The following COL25A1 variants were observed in gnomAD, a reference collection of about 807,000 sequenced individuals.
The protein encoded by COL25A1 is collagen alpha-1(XXV) chain.
COL25A1 carries 103 observed loss-of-function variants against 128.4 expected under a neutral mutation model. The ratio of observed to expected loss-of-function variants is 0.80; its 90% CI spans 0.68 to 0.94. The LOEUF (loss-of-function observed/expected upper bound fraction) is 0.94, where lower values mean the gene tolerates loss of function less well. Ranked by LOEUF, COL25A1 falls within the 40% of genes least tolerant of loss-of-function variation. COL25A1 has a pLI of 0.00. For synonymous variants in COL25A1, 279 were observed against 277.2 expected (o/e 1.01, Z -0.06); for missense variants, 745 against 840.0 (o/e 0.89, Z 1.40).
intron 3 of COL25A1, among the ~76,000 whole-genome samples, chr4:109,161,077 A>T (rs1312860103): frequency 6.6e-6 from 1 of 152,066 alleles, no homozygotes; most frequent in Non-Finnish European, 1.5e-5. Flanking sequence ...GCCTCAAGCG[A>T]TCCTCCCACC....
chr4:108,954,957 A>T (rs1405148), intron 8 of COL25A1, among the ~76,000 whole-genome samples: 66,294 of 150,408 alleles, frequency 0.44, 15,870 homozygotes, highest in East Asian at 0.75. Flanking sequence ...TTTTTTTTTT[A>T]AAATGGGTCT....
chr4:109,059,730 C>T (rs1761779770), intron 3 of COL25A1, among the ~76,000 whole-genome samples: 1 of 151,974 alleles, frequency 6.6e-6, no homozygotes, highest in Non-Finnish European at 1.5e-5. Context: ...CAGTTTTTAC[C>T]CATGCTGTTA....
At chr4:108,903,715 CA>C (rs1743127528) in intron 13 of COL25A1, among the ~76,000 whole-genome samples, 1 of 151,914 alleles carries the variant, frequency 6.6e-6, no homozygotes, top group Admixed American at 6.6e-5. Flanking sequence ...ATAGGCACTT[CA>C]AAAAAATTTT....
chr4:109,060,311 A>C (rs892890163), intron 3 of COL25A1, among the ~76,000 whole-genome samples: 1 of 152,062 alleles, frequency 6.6e-6, no homozygotes, highest in Admixed American at 6.6e-5. Flanking sequence ...GCAACCTCTA[A>C]TCCTTTTCAG....
chr4:108,815,872 T>C (rs932226198), intron 37 of COL25A1, among the ~76,000 whole-genome samples: 5 of 152,126 alleles, frequency 3.3e-5, no homozygotes, highest in African/African-American at 9.7e-5. Context: ...CTAAGAACGA[T>C]TGCGAACCCA....
chr4:109,204,199 T>C (rs1314849335), intron 3 of COL25A1, among the ~76,000 whole-genome samples: 1 of 152,166 alleles, frequency 6.6e-6, no homozygotes, highest in Non-Finnish European at 1.5e-5. Context: ...ATAATCATCA[T>C]GAGTTTTAAA....
In COL25A1 at chr4:109,036,166, A is replaced by T. The variant is rs1383969112; in HGVS notation, c.420+12002T>A. On this transcript the variant is annotated intron_variant, in intron 5 of 37. Coordinates refer to ENST00000399132, the MANE Select transcript of COL25A1 (RefSeq NM_198721.4). Reference sequence around the variant, plus strand: ...ATGGTCTCGATCTCCTGACCTCATGATCCGCCCACCTCAACCTCCCAAAGT... The same window carrying T: ...ATGGTCTCGATCTCCTGACCTCATGTTCCGCCCACCTCAACCTCCCAAAGT... Among the ~76,000 whole-genome samples, 4 of 152,128 alleles carry T rather than the reference A, an allele frequency of 2.6e-5. No individual in the cohort carries two copies. The South Asian group carries it at 6.2e-4, about 24-fold the overall frequency.
chr4:109,284,393 C>G (rs929273516), intron 3 of COL25A1, among the ~76,000 whole-genome samples: 2 of 152,186 alleles, frequency 1.3e-5, no homozygotes, highest in African/African-American at 4.8e-5. Context: ...CCAGTGTACT[C>G]TAGCCTGGCC....
At chr4:108,851,703 T>G (rs72897020) in intron 26 of COL25A1, among the ~76,000 whole-genome samples, 1 of 152,158 alleles carries the variant, frequency 6.6e-6, no homozygotes, top group African/African-American at 2.4e-5. Flanking sequence ...TATTTTTAGT[T>G]GGTATGTTTC....
At chr4:108,965,036 G>T (rs1751136332) in intron 8 of COL25A1, among the ~76,000 whole-genome samples, 1 of 152,066 alleles carries the variant, frequency 6.6e-6, no homozygotes, top group Non-Finnish European at 1.5e-5. Flanking sequence ...TTAATATCCA[G>T]GCCTAAATGT....
intron 3 of COL25A1, among the ~76,000 whole-genome samples, chr4:109,086,520 C>T (rs960598094): frequency 6.6e-6 from 1 of 152,100 alleles, no homozygotes. Context: ...TCTTTATAGT[C>T]GGATTTGAAC....
At chr4:108,915,236 A>T (rs185548177) in intron 13 of COL25A1, among the ~76,000 whole-genome samples, 200 of 152,362 alleles carry the variant, frequency 1.3e-3, no homozygotes, top group Non-Finnish European at 1.1e-3. Context: ...GTAAAAGATA[A>T]TGTGTAGGAA....
intron 8 of COL25A1, among the ~76,000 whole-genome samples, chr4:108,969,515 T>C (rs371293182): frequency 1.2e-4 from 19 of 152,234 alleles, no homozygotes; most frequent in African/African-American, 4.6e-4. Context: ...TCTTTTTATG[T>C]GAGAATAATA....
At chr4:109,134,067 A>G (rs1422199251) in intron 3 of COL25A1, among the ~76,000 whole-genome samples, 1 of 152,140 alleles carries the variant, frequency 6.6e-6, no homozygotes, top group Admixed American at 6.6e-5. Flanking sequence ...CAAAGAAAAT[A>G]CCTCAGACAG....
intron 3 of COL25A1, among the ~76,000 whole-genome samples, chr4:109,206,293 C>A (rs376701740): frequency 1.5e-4 from 23 of 152,234 alleles, no homozygotes; most frequent in African/African-American, 5.3e-4. Context: ...CATAAACATT[C>A]TGTGGCTCTC....
intron 35 of COL25A1, among the ~76,000 whole-genome samples, chr4:108,823,177 A>C (rs562620709): frequency 6.6e-6 from 1 of 152,346 alleles, no homozygotes; most frequent in Admixed American, 6.5e-5. Context: ...TAGAGCAGGG[A>C]CATAAATTAA....
chr4:108,914,444 C>G (rs753602680), intron 13 of COL25A1, among the ~76,000 whole-genome samples: 19 of 152,150 alleles, frequency 1.2e-4, no homozygotes, highest in Non-Finnish European at 2.8e-4. Flanking sequence ...ACATGTGTTT[C>G]TCTTTCTTGT....
At chr4:108,835,179 C>T (rs1216114627) in intron 31 of COL25A1, among the ~76,000 whole-genome samples, 2 of 152,188 alleles carry the variant, frequency 1.3e-5, no homozygotes, top group African/African-American at 2.4e-5. Flanking sequence ...CTCTAGGCTA[C>T]AAATAAATAG....
chr4:109,215,960 T>A (rs535457218), intron 3 of COL25A1, among the ~76,000 whole-genome samples: 4 of 152,116 alleles, frequency 2.6e-5, no homozygotes, highest in African/African-American at 9.7e-5. Context: ...TGGGTTCAGA[T>A]AGGTATGTGT....
Sources: gnomAD v4.1 joint callset for allele counts (sites outside exome capture counted in the v4.1 genomes callset) on GRCh38, gnomAD v4.1.1 for gene constraint, MANE v1.5 for transcripts, NCBI Gene and HGNC (gene_info 2026-07-23, HGNC 2026-07-21) for gene names.